Variants in C2CD5 observed in about 807,000 individuals in gnomAD.
The protein encoded by C2CD5 is C2 calcium dependent domain containing 5.
A neutral mutation model predicts 130.3 loss-of-function variants in C2CD5; 109 were observed. That is an observed-to-expected ratio of 0.84 (90% CI 0.72 to 0.98). The LOEUF is 0.98. Among genes scored for constraint, C2CD5 ranks in the 50% least tolerant of loss-of-function variants. The pLI, the probability that C2CD5 is intolerant of heterozygous loss-of-function variation, is 0.00. For missense variants in C2CD5, 996 were observed against 1,261.8 expected, an observed-to-expected ratio of 0.79 and a Z score of 3.19; for synonymous variants, 454 against 429.2, an observed-to-expected ratio of 1.06 and a Z score of -0.71.
chr12:22,515,350 T>C (rs892796609), intron 8 of C2CD5, among the ~76,000 whole-genome samples: 1 of 152,156 alleles, frequency 6.6e-6, no homozygotes, highest in Admixed American at 6.6e-5. Flanking sequence ...AGTCTAAAAC[T>C]TAACAAAACC....
At chr12:22,533,394 T>C (rs1005093511) in intron 3 of C2CD5, among the ~76,000 whole-genome samples, 6 of 152,222 alleles carry the variant, frequency 3.9e-5, no homozygotes, top group African/African-American at 1.4e-4. Flanking sequence ...AAGCAGTCTG[T>C]AAATGAGAAC....
At chr12:22,497,865 C>T (rs142541421) in intron 10 of C2CD5, among the ~76,000 whole-genome samples, 40 of 151,184 alleles carry the variant, frequency 2.6e-4, no homozygotes, top group Non-Finnish European at 4.9e-4. Context: ...GCAATCTACT[C>T]CATAATTGTG....
chr12:22,512,305 G>A (rs1464849550), intron 9 of C2CD5, among the ~76,000 whole-genome samples: 1 of 152,096 alleles, frequency 6.6e-6, no homozygotes, highest in African/African-American at 2.4e-5. Flanking sequence ...CCTTTTTACA[G>A]GTATTTACTC....
intron 24 of C2CD5, among the ~76,000 whole-genome samples, chr12:22,457,948 G>GT (rs970004355): frequency 2.6e-5 from 4 of 152,134 alleles, no homozygotes; most frequent in Non-Finnish European, 2.9e-5. Context: ...GTGAAATGTA[G>GT]TTTTTTCCCC....
At position 22,472,346 on chromosome 12, in the gene C2CD5, G is replaced by T. The variant is rs752971808; in HGVS notation, c.2109C>A (p.Gly703=). The change falls in exon 18 of 27, where the codon GGC becomes GGA. Residue 703 remains glycine, a splice_region_variant and synonymous_variant. Coordinates refer to ENST00000446597, the MANE Select transcript of C2CD5 (RefSeq NM_001286176.2). ...TAATTTCTGTATTACAACTATAAAA[G>T]CCTGTCAAAATAAATTGTAATCAAA... ...SLLTDVPPPS[G]FYSCNTEIMP... 3 of 1,399,960 alleles carry T rather than the reference G, an allele frequency of 2.1e-6. No homozygotes were observed. The highest frequency in any genetic ancestry group is 2.5e-5 in the South Asian group (2 of 79,126). The allele number at this position is 1,399,960 out of a possible 1,614,324, so 86.7% of individuals were successfully genotyped here.
chr12:22,452,183 A>G (rs1466286477), intron 26 of C2CD5, among the ~76,000 whole-genome samples: 1 of 152,230 alleles, frequency 6.6e-6, no homozygotes, highest in Non-Finnish European at 1.5e-5. Flanking sequence ...ATCCTCTTAT[A>G]TCAAATAAAT....
intron 7 of C2CD5, among the ~76,000 whole-genome samples, chr12:22,522,803 A>G (rs1950384336): frequency 6.6e-6 from 1 of 152,226 alleles, no homozygotes; most frequent in African/African-American, 2.4e-5. Flanking sequence ...GGTTTTAAGT[A>G]TTCCTCAGAA....
At chr12:22,524,080 G>A (rs1950521333) in intron 6 of C2CD5, among the ~76,000 whole-genome samples, 3 of 152,106 alleles carry the variant, frequency 2.0e-5, no homozygotes, top group Non-Finnish European at 4.4e-5. Context: ...CAGTACCTAG[G>A]GAGGAACTGT....
chr12:22,524,671 A>C, intron 5 of C2CD5, 44 bp from the exon 6 acceptor site: 2 of 1,507,962 alleles, frequency 1.3e-6, no homozygotes, highest in Non-Finnish European at 1.8e-6. Context: ...AAAAGGTAAA[A>C]CTCAATTTTT....
chr12:22,531,778 CCA>C (rs1178457321), intron 3 of C2CD5, among the ~76,000 whole-genome samples: 1 of 152,158 alleles, frequency 6.6e-6, no homozygotes, highest in African/African-American at 2.4e-5. Flanking sequence ...CAGTTATATT[CCA>C]CAGAGATAAT....
Position 22,527,872 on chromosome 12 carries a change from T to C in C2CD5, c.198A>G (p.Gln66=), listed in dbSNP as rs1318268330. Residue 66 remains glutamine, a synonymous_variant, in exon 4 of 27, where the codon CAA becomes CAG. Transcript: ENST00000446597. ...FKFEVDDEDL[Q]DEPLQITVLD... ...GAACTGTGATCTGTAAAGGTTCATCTTGTAAGTCTTCATCATCCACCTACA... is the reference window on the plus strand; with the variant it reads ...GAACTGTGATCTGTAAAGGTTCATCCTGTAAGTCTTCATCATCCACCTACA... The C allele has an allele frequency of 1.2e-6, 2 of 1,605,954 alleles. No individual in the cohort carries two copies. Among genetic ancestry groups the C allele is most frequent in the East Asian group, 2.2e-5 (1 of 44,554 alleles).
intron 22 of C2CD5, chr12:22,463,910 T>A (rs1468714060): frequency 6.6e-6 from 1 of 152,234 alleles, no homozygotes; most frequent in Non-Finnish European, 1.5e-5. Context: ...TTTTCCTATT[T>A]AAACATTCTC....
intron 26 of C2CD5, among the ~76,000 whole-genome samples, chr12:22,453,127 A>C (rs891350144): frequency 9.2e-5 from 14 of 152,198 alleles, no homozygotes; most frequent in African/African-American, 3.1e-4. Context: ...TTAAATGATA[A>C]GTAATTAGTC....
At chr12:22,494,213 T>C (rs1946719542) in intron 10 of C2CD5, among the ~76,000 whole-genome samples, 1 of 152,072 alleles carries the variant, frequency 6.6e-6, no homozygotes, top group Admixed American at 6.6e-5. Flanking sequence ...ATAATTAGCA[T>C]ATCATAATTT....
intron 2 of C2CD5, among the ~76,000 whole-genome samples, chr12:22,539,561 G>C (rs1383233259): frequency 6.6e-6 from 1 of 151,944 alleles, no homozygotes; most frequent in African/African-American, 2.4e-5. Context: ...CAGTGGTTTT[G>C]GGGAAAATAG....
At chr12:22,521,640 T>C (rs538261284) in intron 7 of C2CD5, among the ~76,000 whole-genome samples, 1 of 152,358 alleles carries the variant, frequency 6.6e-6, no homozygotes, top group Middle Eastern at 3.4e-3. Flanking sequence ...TGGCAATTCT[T>C]ATCTTTCTAG....
chr12:22,461,903 A>AG (rs1356479400), intron 22 of C2CD5, among the ~76,000 whole-genome samples: 1 of 152,014 alleles, frequency 6.6e-6, no homozygotes, highest in Non-Finnish European at 1.5e-5. Context: ...TTTTTCTCCT[A>AG]GAAAAAAAAG....
intron 9 of C2CD5, among the ~76,000 whole-genome samples, chr12:22,510,506 C>T (rs1273741972): frequency 6.6e-6 from 1 of 152,154 alleles, no homozygotes; most frequent in Non-Finnish European, 1.5e-5. Flanking sequence ...TTCTTAGGAG[C>T]TATTTAAATA....
Position 22,449,841 on chromosome 12 carries a change from T to C in C2CD5, c.3075A>G (p.Glu1025=), listed in dbSNP as rs1938128972. Residue 1025 remains glutamate (E), a synonymous_variant, in exon 27 of 27, where the codon GAA becomes GAG. Transcript: ENST00000446597. ...VSGDAVVFVR[E]SDLEVVSSQQ... Reference sequence around the variant, plus strand: ...GAGATGACACCACTTCTAAGTCAGATTCACGAACAAAAACCACTGCATCAC... The same window carrying C: ...GAGATGACACCACTTCTAAGTCAGACTCACGAACAAAAACCACTGCATCAC... 1 of 1,611,484 alleles carries C rather than the reference T, an allele frequency of 6.2e-7. No homozygotes were observed. Among genetic ancestry groups the C allele is most frequent in the Non-Finnish European group, 8.5e-7 (1 of 1,178,048 alleles).
Sources: allele counts gnomAD v4.1 joint callset (sites outside exome capture counted in the v4.1 genomes callset), GRCh38; gene constraint gnomAD v4.1.1; transcripts MANE v1.5; gene names NCBI Gene and HGNC (gene_info 2026-07-23, HGNC 2026-07-21).